KANSL1: variants seen among roughly 807,000 people sequenced by gnomAD.
The protein encoded by KANSL1 is KAT8 regulatory NSL complex subunit 1.
A neutral mutation model predicts 103.6 loss-of-function variants in KANSL1; 22 were observed. The ratio of observed to expected loss-of-function variants is 0.21; its 90% confidence interval spans 0.15 to 0.30. The LOEUF (loss-of-function observed/expected upper bound fraction) is 0.30. KANSL1 is among the 10% of genes least tolerant of loss of function. KANSL1 has a pLI of 1.00. For synonymous variants in KANSL1, 600 were observed against 527.6 expected (o/e 1.14, Z -1.88); for missense variants, 1,337 against 1,399.8 (o/e 0.96, Z 0.72).
chr17:46,178,123 C>A (rs2046616139), intron 1 of KANSL1, among the ~76,000 whole-genome samples: 1 of 152,156 alleles, frequency 6.6e-6, no homozygotes, highest in Non-Finnish European at 1.5e-5. Context: ...ACAATGATTC[C>A]TATCCCACTT....
chr17:46,046,785 C>T (rs760314183), intron 7 of KANSL1, among the ~76,000 whole-genome samples: 1 of 148,434 alleles, frequency 6.7e-6, no homozygotes, highest in Non-Finnish European at 1.5e-5. Context: ...TGCAGTGACC[C>T]GAGATTGCAC....
chr17:46,066,700 C>T lies in KANSL1; in HGVS notation c.1685G>A (p.Gly562Asp), dbSNP rs369324570. Residue 562 changes from glycine (G) to aspartate (D), a missense_variant, in exon 6 of 15, where the codon GGT becomes GAT. Transcript: ENST00000432791. ...LQPVLADHIP[G>D]DSSDAEEQLH... ...TTGTTCCTCAGCATCAGAGCTGTCA[C>T]CTGGAATGTGGTCTGCCAAGACAGG... 11 of 1,614,046 alleles carry T rather than the reference C, an allele frequency of 6.8e-6. No homozygotes were observed. The highest frequency in any genetic ancestry group is 9.3e-6 in the Non-Finnish European group (11 of 1,179,984).
intron 2 of KANSL1, 148 bp downstream of exon 2, chr17:46,170,707 G>A: frequency 1.2e-6 from 1 of 852,154 alleles, no homozygotes; most frequent in Non-Finnish European, 1.8e-6. Flanking sequence ...GCATGTATAT[G>A]CACTCATCTA....
In KANSL1 at chr17:46,193,115, T is replaced by TGGAGACCGCAGCCCGGCC. The variant is rs2047436910; in HGVS notation, c.-400_-383dup. On this transcript the variant is annotated 5_prime_UTR_variant, in exon 1 of 15. Coordinates refer to ENST00000432791, the MANE Select transcript of KANSL1 (RefSeq NM_015443.4). ...CGCACCGACGGGGCCCGAGCACGGC[T>TGGAGACCGCAGCCCGGCC]GGAGACCGCAGCCCGGCCGGGAGGG... 4.6e-5 allele frequency: 7 copies of TGGAGACCGCAGCCCGGCC among 151,970 alleles called. No individual in the cohort carries two copies. In the South Asian group the frequency reaches 1.2e-3, roughly 27 times the overall value. The allele number at this position is 151,970 out of a possible 1,614,324, so 9.4% of individuals were successfully genotyped here. A position where few individuals can be genotyped will look rare whatever the true frequency, so the allele number is the denominator to read the frequency against.
At chr17:46,106,831 CA>C (rs2042587806) in intron 2 of KANSL1, among the ~76,000 whole-genome samples, 1 of 152,116 alleles carries the variant, frequency 6.6e-6, no homozygotes, top group South Asian at 2.1e-4. Flanking sequence ...TAAAAAGGAA[CA>C]AAACAAACAA....
chr17:46,161,250 TAAAAAAAAAAA>T (rs534754110), intron 2 of KANSL1, among the ~76,000 whole-genome samples: 25 of 79,398 alleles, frequency 3.1e-4, no homozygotes, highest in African/African-American at 9.3e-4. Flanking sequence ...CCACCTCTAC[TAAAAAAAAAAA>T]AAAAAAAAAA....
chr17:46,171,133 G>GGAT lies in KANSL1; in HGVS notation c.1008_1010dup (p.Ser337dup), dbSNP rs1567761730. The stretch of plus-strand genomic sequence containing the variant: ...GCATCAACTGGCTCCGTGGTCTCAA[G>GGAT]GATTCCAAGTTTGGCAGTTTGCTCA... On this transcript the variant is annotated inframe_insertion, in exon 2 of 15. Coordinates refer to ENST00000432791, the MANE Select transcript of KANSL1 (RefSeq NM_015443.4). 3 of 1,613,550 alleles carry GGAT rather than the reference G, an allele frequency of 1.9e-6. No homozygotes were observed. Among genetic ancestry groups the GGAT allele is most frequent in the African/African-American group, 2.7e-5 (2 of 74,994 alleles).
chr17:46,046,351 C>T (rs79698033), intron 7 of KANSL1, among the ~76,000 whole-genome samples: 21,733 of 151,188 alleles, frequency 0.14, 2,129 homozygotes, highest in Non-Finnish European at 0.22. Flanking sequence ...ATGGGCAACA[C>T]GGGGAAACCT....
At chr17:46,151,389 C>T (rs1323439616) in intron 2 of KANSL1, among the ~76,000 whole-genome samples, 1 of 152,244 alleles carries the variant, frequency 6.6e-6, no homozygotes, top group African/African-American at 2.4e-5. Context: ...TGCTCACACA[C>T]TTCATACAGA....
chr17:46,213,276 TTTTA>T (rs1392454522), intron 1 of KANSL1, among the ~76,000 whole-genome samples: 8 of 151,730 alleles, frequency 5.3e-5, no homozygotes, highest in Non-Finnish European at 8.8e-5. Flanking sequence ...GGGACAAGCG[TTTTA>T]TTTGTTTTTT....
chr17:46,082,958 C>T (rs948334865), intron 3 of KANSL1, among the ~76,000 whole-genome samples: 2 of 152,102 alleles, frequency 1.3e-5, no homozygotes, highest in African/African-American at 4.8e-5. Context: ...TGTACTCCAC[C>T]AACTATACCT....
intron 2 of KANSL1, among the ~76,000 whole-genome samples, chr17:46,135,542 A>ATTTTTT (rs34258265): frequency 2.4e-4 from 29 of 119,048 alleles, no homozygotes; most frequent in African/African-American, 7.0e-4. Context: ...TCAACTATAC[A>ATTTTTT]TTTTTTTTTT....
intron 1 of KANSL1, among the ~76,000 whole-genome samples, chr17:46,219,250 T>TAAAAA (rs66536813): frequency 0.052 from 7,025 of 135,030 alleles, 609 homozygotes; most frequent in African/African-American, 0.19. Flanking sequence ...TCTTGTCTCA[T>TAAAAA]AAAAAAAAAA....
intron 6 of KANSL1, among the ~76,000 whole-genome samples, chr17:46,057,029 A>G (rs1174358945): frequency 6.6e-6 from 1 of 152,252 alleles, no homozygotes; most frequent in East Asian, 1.9e-4. Flanking sequence ...CATCCCGTCT[A>G]GAAAAATTCA....
chr17:46,105,521 CAGA>C (rs2042495147), intron 2 of KANSL1, among the ~76,000 whole-genome samples: 2 of 152,114 alleles, frequency 1.3e-5, no homozygotes, highest in Non-Finnish European at 1.5e-5. Flanking sequence ...GAGGCTGAGG[CAGA>C]AGAATTACTT....
At chr17:46,065,785 C>T (rs1015278184) in intron 6 of KANSL1, among the ~76,000 whole-genome samples, 1 of 152,208 alleles carries the variant, frequency 6.6e-6, no homozygotes, top group African/African-American at 2.4e-5. Context: ...ATCTAAAATT[C>T]CCTACAGTTG....
At chr17:46,173,677 G>A (rs538986629) in intron 1 of KANSL1, among the ~76,000 whole-genome samples, 31 of 152,194 alleles carry the variant, frequency 2.0e-4, no homozygotes, top group Admixed American at 4.6e-4. Context: ...CAAAACTGCT[G>A]GTACATTATT....
At chr17:46,096,916 C>T (rs771505249) in intron 2 of KANSL1, among the ~76,000 whole-genome samples, 11 of 152,200 alleles carry the variant, frequency 7.2e-5, no homozygotes, top group Non-Finnish European at 1.6e-4. Context: ...TGAGCCTAGC[C>T]CCACTGGCTA....
At position 46,030,572 on chromosome 17, in the gene KANSL1, G is replaced by A. The variant is rs1388920449; in HGVS notation, c.*904C>T. On this transcript the variant is annotated 3_prime_UTR_variant, in exon 15 of 15. Transcript: ENST00000432791. ...AGGGATCTGGATGTGAAGGAAACAT[G>A]GCAAAGTGAATCAGAGGGAAAAAAA... is the stretch of plus-strand genomic sequence containing the variant. 2 of 148,896 alleles carry A rather than the reference G, an allele frequency of 1.3e-5. No homozygotes were observed. Among genetic ancestry groups the A allele is most frequent in the African/African-American group, 2.5e-5 (1 of 39,572 alleles). 9.2% of individuals were successfully genotyped at this position (148,896 alleles called of 1,614,324 possible). A position where few individuals can be genotyped will look rare whatever the true frequency, so the allele number is the denominator to read the frequency against.
Sources: allele counts gnomAD v4.1 joint callset (sites outside exome capture counted in the v4.1 genomes callset), GRCh38; gene constraint gnomAD v4.1.1; transcripts MANE v1.5; gene names NCBI Gene and HGNC (gene_info 2026-07-23, HGNC 2026-07-21).